The following PCDHA3 variants were observed in gnomAD, a reference collection of about 807,000 sequenced individuals.
PCDHA3 encodes the protein protocadherin alpha 3.
Under a neutral mutation model 62.2 loss-of-function variants are expected in PCDHA3, and 41 were observed. That is an observed-to-expected ratio of 0.66 (90% CI 0.51 to 0.86). The LOEUF is 0.86. Among genes scored for constraint, PCDHA3 ranks in the 40% least tolerant of loss-of-function variants. The pLI is 0.00. For missense variants in PCDHA3, 1,304 were observed against 1,241.2 expected (o/e 1.05, Z -0.76); for synonymous variants, 640 against 555.4 (o/e 1.15, Z -2.14).
At chr5:140,808,973 G>C (rs782400718) in intron 1 of PCDHA3, 3 of 1,613,674 alleles carry the variant, frequency 1.9e-6, no homozygotes, top group East Asian at 2.2e-5. Flanking sequence ...AAAGGTGCGC[G>C]CGGTGGATGC....
chr5:140,874,005 C>T (rs887497526), intron 1 of PCDHA3, among the ~76,000 whole-genome samples: 1 of 152,100 alleles, frequency 6.6e-6, no homozygotes, highest in South Asian at 2.1e-4. Context: ...GTACATTGAC[C>T]ACTTTTGAAA....
chr5:140,805,437 TTGTG>T, intron 1 of PCDHA3: 1 of 1,051,000 alleles, frequency 9.5e-7, no homozygotes, highest in Non-Finnish European at 1.1e-6. Context: ...GTTTTGGTTT[TTGTG>T]TGTGTGTGTT....
intron 1 of PCDHA3, chr5:140,882,202 T>A: frequency 2.0e-6 from 3 of 1,529,778 alleles, no homozygotes; most frequent in Non-Finnish European, 2.6e-6. Context: ...AAATTGGGCC[T>A]TGAGAGACAG....
intron 1 of PCDHA3, among the ~76,000 whole-genome samples, chr5:140,948,360 C>T (rs1258504765): frequency 6.6e-6 from 1 of 151,494 alleles, no homozygotes; most frequent in Non-Finnish European, 1.5e-5. Context: ...AATAAAATGA[C>T]TTAGGAGGTG....
At chr5:140,836,792 G>A (rs781818049) in intron 1 of PCDHA3, 3 of 1,416,344 alleles carry the variant, frequency 2.1e-6, no homozygotes, top group Non-Finnish European at 2.9e-6. Context: ...AGTTCAATTG[G>A]TCTCCTTAAA....
chr5:140,897,720 G>A (rs1457512042), intron 1 of PCDHA3, among the ~76,000 whole-genome samples: 1 of 152,086 alleles, frequency 6.6e-6, no homozygotes, highest in Non-Finnish European at 1.5e-5. Context: ...GGGATGGCTG[G>A]GTCAAATAGT....
intron 1 of PCDHA3, among the ~76,000 whole-genome samples, chr5:140,922,582 G>A (rs548638056): frequency 2.6e-5 from 4 of 152,276 alleles, no homozygotes; most frequent in Non-Finnish European, 4.4e-5. Context: ...CCCTGTAGCC[G>A]CCAGTTCTCA....
In PCDHA3 at chr5:140,877,445, C is replaced by T. The variant is rs782657623; in HGVS notation, c.2394+73854C>T. ...CTGGTGAAGGACCACGGTGAGCCCG[C>T]GCTGACGTCCACGGCCACGGTGCTG... On this transcript the variant is annotated intron_variant, in intron 1 of 3. Transcript: ENST00000522353. 36 of 1,613,714 alleles carry T rather than the reference C, an allele frequency of 2.2e-5. No individual in the cohort carries two copies. The highest frequency in any genetic ancestry group is 3.0e-5 in the Non-Finnish European group (35 of 1,179,874).
chr5:140,963,771 GA>G (rs1459827253), intron 1 of PCDHA3, among the ~76,000 whole-genome samples: 2 of 152,164 alleles, frequency 1.3e-5, no homozygotes, highest in African/African-American at 4.8e-5. Context: ...ATTTCATGAC[GA>G]CAGCAACAAC....
chr5:140,863,231 C>G (rs189351986), intron 1 of PCDHA3: 1 of 1,227,526 alleles, frequency 8.1e-7, no homozygotes, highest in Non-Finnish European at 1.2e-6. Flanking sequence ...AAGGTCCCAT[C>G]GCGGGCTTTG....
chr5:140,821,696 T>C (rs1767030213), intron 1 of PCDHA3: 3 of 1,400,466 alleles, frequency 2.1e-6, no homozygotes, highest in Non-Finnish European at 2.9e-6. Flanking sequence ...ATAAAAAATA[T>C]ATAGTTAATT....
chr5:140,802,268 A>G lies in PCDHA3; in HGVS notation c.1071A>G (p.Leu357=). ...AGTTAGTTATTCAATCACTATCTTT[A>G]CCTGTATTAGAAGACTCTCCACTTA... ...VPELVIQSLS[L]PVLEDSPLST... is the part of the protein sequence containing the mutation. Residue 357 remains leucine (L), a synonymous_variant, in exon 1 of 4, where the codon TTA becomes TTG. Transcript: ENST00000522353. 1 of 1,614,206 alleles carries G rather than the reference A, an allele frequency of 6.2e-7. No individual in the cohort carries two copies.
chr5:140,856,210 G>A, intron 1 of PCDHA3: 1 of 1,598,116 alleles, frequency 6.3e-7, no homozygotes, highest in Non-Finnish European at 8.6e-7. Flanking sequence ...TGGGGCTGGA[G>A]CTGGCGGAGC....
At chr5:140,882,018 A>C in intron 1 of PCDHA3, 2 of 559,360 alleles carry the variant, frequency 3.6e-6, no homozygotes, top group East Asian at 3.1e-5. Context: ...AAAATACTAC[A>C]TCAATGGAAA....
intron 1 of PCDHA3, chr5:140,827,919 C>T (rs1769452946): frequency 1.1e-6 from 1 of 923,004 alleles, no homozygotes; most frequent in Non-Finnish European, 1.6e-6. Flanking sequence ...ATGTCGCTGT[C>T]TACCATGAAG....
At chr5:140,909,269 A>G (rs1554193726) in intron 1 of PCDHA3, among the ~76,000 whole-genome samples, 1 of 152,240 alleles carries the variant, frequency 6.6e-6, no homozygotes, top group Admixed American at 6.5e-5. Context: ...CTGAAGGCAA[A>G]TTGCTTCTGG....
intron 3 of PCDHA3, among the ~76,000 whole-genome samples, chr5:141,001,711 A>G (rs1167965864): frequency 1.3e-5 from 2 of 152,222 alleles, no homozygotes; most frequent in South Asian, 2.1e-4. Context: ...GGGGGCGGGG[A>G]AGGAGCTTGA....
At chr5:140,857,723 G>C (rs782731784) in intron 1 of PCDHA3, 1 of 1,597,514 alleles carries the variant, frequency 6.3e-7, no homozygotes, top group Non-Finnish European at 8.6e-7. Flanking sequence ...GGACGAGAAC[G>C]ACAACGCTCC....
chr5:140,971,805 T>C (rs938421537), intron 1 of PCDHA3, among the ~76,000 whole-genome samples: 1 of 152,166 alleles, frequency 6.6e-6, no homozygotes, highest in Non-Finnish European at 1.5e-5. Flanking sequence ...AATATTATAA[T>C]ATTGAATACA....
Sources: allele counts gnomAD v4.1 joint callset (sites outside exome capture counted in the v4.1 genomes callset), GRCh38; gene constraint gnomAD v4.1.1; transcripts MANE v1.5; gene names NCBI Gene and HGNC (gene_info 2026-07-23, HGNC 2026-07-21).